Variants in RUNX3 observed in about 807,000 individuals in gnomAD.
RUNX3 encodes runt-related transcription factor 3.
In RUNX3, 10 loss-of-function variants were observed where a neutral mutation model predicts 27.7. That is an observed-to-expected ratio of 0.36 (90% CI 0.22 to 0.61). The LOEUF (loss-of-function observed/expected upper bound fraction) is 0.61. Ranked by LOEUF, RUNX3 falls within the 20% of genes least tolerant of loss-of-function variation. RUNX3 has a pLI of 0.72. For synonymous variants in RUNX3, 270 were observed against 269.2 expected (o/e 1.00, Z -0.03); for missense variants, 469 against 629.5 (o/e 0.75, Z 2.73).
intron 2 of RUNX3, among the ~76,000 whole-genome samples, chr1:24,935,844 A>G (rs1288518332): frequency 6.6e-6 from 1 of 152,154 alleles, no homozygotes; most frequent in Non-Finnish European, 1.5e-5. Flanking sequence ...TATTCTTTCC[A>G]TTTCACAGAT....
chr1:24,940,595 G>A (rs1343633409), intron 2 of RUNX3, among the ~76,000 whole-genome samples: 1 of 152,164 alleles, frequency 6.6e-6, no homozygotes, highest in Non-Finnish European at 1.5e-5. Context: ...CAAGAGAATA[G>A]TTAATACAAA....
chr1:24,949,726 C>G (rs1477109789), intron 2 of RUNX3, among the ~76,000 whole-genome samples: 1 of 152,270 alleles, frequency 6.6e-6, no homozygotes, highest in Non-Finnish European at 1.5e-5. Context: ...CGGCCTGGGC[C>G]AGGGAGGCCG....
intron 2 of RUNX3, among the ~76,000 whole-genome samples, chr1:24,924,048 T>C (rs542702003): frequency 2.1e-3 from 326 of 152,242 alleles, no homozygotes; most frequent in South Asian, 6.2e-3. Flanking sequence ...GATTCAATTC[T>C]TCCTGGGAGG....
chr1:24,923,944 C>T lies in RUNX3; in HGVS notation c.439+3630G>A, dbSNP rs1171741898. ...TTTGGGATTTGTGGTGGCGTGTGGT[C>T]AACATAGTGTTGGGGTGGCACTGCC... On this transcript the variant is annotated intron_variant, in intron 2 of 4. Transcript: ENST00000308873. This position sits in a 1 kb window ranked among gnomAD's most constrained non-coding sequence, Gnocchi z 5.9. Among the ~76,000 whole-genome samples, 1 of 152,106 alleles carries T rather than the reference C, an allele frequency of 6.6e-6. No homozygotes were observed. Among genetic ancestry groups the T allele is most frequent in the East Asian group, 1.9e-4 (1 of 5,202 alleles).
chr1:24,930,503 G>T (rs1466544986), upstream of RUNX3, among the ~76,000 whole-genome samples: 1 of 152,016 alleles, frequency 6.6e-6, no homozygotes, highest in Admixed American at 6.5e-5. The surrounding 1 kb of genome is among the most constrained non-coding windows in gnomAD (Gnocchi z 4.1). Flanking sequence ...GAGAGCTCTG[G>T]GAGCCCGGGG....
chr1:24,922,782 CAAAAAAAAAAAA>C (rs57671911), intron 2 of RUNX3, among the ~76,000 whole-genome samples: 3 of 21,542 alleles, frequency 1.4e-4, no homozygotes, highest in East Asian at 1.8e-3. Flanking sequence ...GCCCACAGGG[CAAAAAAAAAAAA>C]AAAAAAAAAA....
chr1:24,956,635 G>A (rs11249208), intron 2 of RUNX3, among the ~76,000 whole-genome samples: 109,919 of 151,972 alleles, frequency 0.72, 40,744 homozygotes, highest in African/African-American at 0.89. Flanking sequence ...GGGGAGGTAC[G>A]TCAGCAGGCC....
chr1:24,954,759 G>A (rs1641871264), intron 2 of RUNX3, among the ~76,000 whole-genome samples: 1 of 152,234 alleles, frequency 6.6e-6, no homozygotes, highest in African/African-American at 2.4e-5. Context: ...GGCTGCTCAG[G>A]TGTGTGTCTA....
chr1:24,932,892 G>A (rs527434399), upstream of RUNX3, among the ~76,000 whole-genome samples: 1 of 152,276 alleles, frequency 6.6e-6, no homozygotes, highest in East Asian at 1.9e-4. Flanking sequence ...ACCCTAAGTT[G>A]TCCACAGCAG....
chr1:24,925,776 G>A (rs1390205125), intron 2 of RUNX3, among the ~76,000 whole-genome samples: 3 of 152,078 alleles, frequency 2.0e-5, no homozygotes, highest in Non-Finnish European at 4.4e-5. Context: ...AGATGGATGA[G>A]AGAATGGTTT....
At chr1:24,931,971 C>T (rs930663354), upstream of RUNX3, among the ~76,000 whole-genome samples, 3 of 152,250 alleles carry the variant, frequency 2.0e-5, no homozygotes, top group African/African-American at 4.8e-5. Context: ...GTGATCCAGC[C>T]TGGGCGCTCC....
intron 3 of RUNX3, 54 bp downstream of exon 3, chr1:24,919,186 C>T (rs995385124): frequency 2.9e-5 from 34 of 1,154,404 alleles, no homozygotes; most frequent in Admixed American, 1.5e-4. Context: ...CTGTCCTTCC[C>T]GCACTGGACC....
At chr1:24,939,171 T>C (rs1453333317) in intron 2 of RUNX3, among the ~76,000 whole-genome samples, 1 of 152,108 alleles carries the variant, frequency 6.6e-6, no homozygotes, top group Non-Finnish European at 1.5e-5. Flanking sequence ...GGGAAAAGTC[T>C]CCACTGGACC....
intron 2 of RUNX3, among the ~76,000 whole-genome samples, chr1:24,941,064 T>C (rs1641464118): frequency 6.6e-6 from 1 of 152,238 alleles, no homozygotes; most frequent in Non-Finnish European, 1.5e-5. Flanking sequence ...TATCGTACAA[T>C]TATTCATGAT....
At chr1:24,915,069 C>G (rs1640863111) in intron 3 of RUNX3, among the ~76,000 whole-genome samples, 2 of 152,374 alleles carry the variant, frequency 1.3e-5, no homozygotes, top group South Asian at 4.1e-4. Context: ...CCCACATTCT[C>G]AGGGTCTAGC....
At chr1:24,906,886 G>GGGAAACTGTACATGGCAGGGGCGA (rs1223007333) in intron 4 of RUNX3, among the ~76,000 whole-genome samples, 14 of 152,210 alleles carry the variant, frequency 9.2e-5, no homozygotes, top group Non-Finnish European at 1.5e-5. Flanking sequence ...GGCAGGGGTG[G>GGGAAACTGTACATGGCAGGGGCGA]GGAAACTGTA....
chr1:24,937,650 T>G (rs915230571), intron 2 of RUNX3, among the ~76,000 whole-genome samples: 2 of 152,242 alleles, frequency 1.3e-5, no homozygotes, highest in African/African-American at 4.8e-5. Flanking sequence ...TATTTCATCT[T>G]CACCATGCCC....
intron 2 of RUNX3, among the ~76,000 whole-genome samples, chr1:24,938,598 A>T (rs1641402403): frequency 6.6e-6 from 1 of 152,222 alleles, no homozygotes; most frequent in Non-Finnish European, 1.5e-5. Flanking sequence ...TTGGCAGGCA[A>T]TAAAGTTCCT....
chr1:24,928,440 C>T (rs748459837), intron 1 of RUNX3, among the ~76,000 whole-genome samples: 4 of 152,102 alleles, frequency 2.6e-5, no homozygotes, highest in Non-Finnish European at 5.9e-5. Flanking sequence ...CCCAGGAGCA[C>T]GGAGAGGCGG....
Sources: allele counts gnomAD v4.1 joint callset (sites outside exome capture counted in the v4.1 genomes callset), GRCh38; gene constraint gnomAD v4.1.1; non-coding constraint Gnocchi (gnomAD v3.1); transcripts MANE v1.5; gene names NCBI Gene and HGNC (gene_info 2026-07-23, HGNC 2026-07-21).